HSPA13: variants seen among roughly 807,000 people sequenced by gnomAD.
HSPA13 encodes heat shock 70 kDa protein 13.
In HSPA13, 29 loss-of-function variants were observed where a neutral mutation model predicts 38.8. The ratio of observed to expected loss-of-function variants is 0.75; its 90% CI spans 0.56 to 1.02. The LOEUF is 1.02. HSPA13 is among the 50% of genes least tolerant of loss of function. HSPA13 has a pLI of 0.00. For synonymous variants in HSPA13, 192 were observed against 205.3 expected (o/e 0.94, Z 0.56); for missense variants, 451 against 560.9 (o/e 0.80, Z 1.98).
intron 3 of HSPA13, 110 bp from the exon 4 acceptor site, chr21:14,375,929 A>C: frequency 5.1e-6 from 4 of 782,932 alleles, no homozygotes; most frequent in Non-Finnish European, 8.4e-6. Context: ...ACCACTGAGT[A>C]ATAATGAGAG....
chr21:14,381,514 C>G lies in HSPA13; in HGVS notation c.55G>C (p.Gly19Arg), dbSNP rs766518458. 1.3e-6 allele frequency: 2 copies of G among 1,597,150 alleles called. No individual in the cohort carries two copies. ...GGTAAATACTGTTGTGCCAAATAGC[C>G]GGCCAACAGGAGAGTCAAAACAGCC... is the stretch of plus-strand genomic sequence containing the variant. ...GSAVLTLLLA[G>R]YLAQQYLPLP... is the part of the protein sequence containing the mutation. Residue 19 changes from glycine (G) to arginine (R), a missense_variant, in exon 2 of 5, where the codon GGC (glycine) becomes CGC (arginine). Transcript: ENST00000285667.
In HSPA13 at chr21:14,379,555, A is replaced by C. The variant is rs540167700; in HGVS notation, c.367-1143T>G. 2.6e-5 allele frequency among the ~76,000 whole-genome samples: 4 copies of C among 152,304 alleles called. No individual in the cohort carries two copies. The East Asian group carries it at 7.7e-4, about 29-fold the overall frequency. ...ACAACAAAAAAATCAGATCACTTAG[A>C]AACATTAAGTAGTTTTTGGGTCAAT... On this transcript the variant is annotated intron_variant, in intron 2 of 4. Transcript: ENST00000285667.
intron 1 of HSPA13, 35 bp from the exon 2 acceptor site, chr21:14,381,578 C>T: frequency 6.7e-7 from 1 of 1,487,414 alleles, no homozygotes; most frequent in Non-Finnish European, 9.1e-7. Flanking sequence ...TGTATTTTAT[C>T]AAACTAGTAC....
At position 14,378,188 on chromosome 21, in the gene HSPA13, G is replaced by C; in HGVS notation, c.580+11C>G. On this transcript the variant is annotated intron_variant, in intron 3 of 4. Transcript: ENST00000285667. ...TTGAGAAAAATGCATCTCAGTCAAG[G>C]GTACTGTTACCTGCAAGGTTAGCAG... The C allele has an allele frequency of 1.9e-6, 3 of 1,602,874 alleles. No individual in the cohort carries two copies. Among genetic ancestry groups the C allele is most frequent in the Non-Finnish European group, 2.6e-6 (3 of 1,169,958 alleles).
chr21:14,383,005 C>G lies in HSPA13; in HGVS notation c.25+90G>C, dbSNP rs1568724404. 2.8e-6 allele frequency: 4 copies of G among 1,419,322 alleles called. No individual in the cohort carries two copies. In the South Asian group the frequency reaches 4.6e-5, roughly 16 times the overall value. 87.9% of individuals were successfully genotyped at this position (1,419,322 alleles called of 1,614,324 possible). A position where few individuals can be genotyped will look rare whatever the true frequency, so the allele number is the denominator to read the frequency against. On this transcript the variant is annotated intron_variant, in intron 1 of 4. Transcript: ENST00000285667. Reference sequence around the variant, plus strand: ...TCCCCTTCCGCTGCTCCAGCTAGATCCAGGAGGTGAGTCAACCACCCCTGC... The same window carrying G: ...TCCCCTTCCGCTGCTCCAGCTAGATGCAGGAGGTGAGTCAACCACCCCTGC...
intron 2 of HSPA13, among the ~76,000 whole-genome samples, chr21:14,379,528 C>T (rs1478623346): frequency 6.6e-6 from 1 of 151,958 alleles, no homozygotes; most frequent in African/African-American, 2.4e-5. Flanking sequence ...GAAACAAAAA[C>T]AACAACAAAA....
chr21:14,382,396 T>A (rs1984192794), intron 1 of HSPA13, among the ~76,000 whole-genome samples: 1 of 152,162 alleles, frequency 6.6e-6, no homozygotes, highest in African/African-American at 2.4e-5. Context: ...CCCCTTTAGT[T>A]TTTAATGAAT....
intron 1 of HSPA13, among the ~76,000 whole-genome samples, chr21:14,381,810 A>G (rs1453676458): frequency 6.6e-6 from 1 of 152,336 alleles, no homozygotes; most frequent in East Asian, 1.9e-4. Context: ...AATAAATGTA[A>G]TAAAATGTAA....
chr21:14,381,501 T>C lies in HSPA13; in HGVS notation c.68A>G (p.Gln23Arg). Residue 23 changes from glutamine to arginine, a missense_variant, in exon 2 of 5, where the codon CAA becomes CGA. Physicochemically the swap from Gln to Arg is conservative, Grantham distance 43. Coordinates refer to ENST00000285667, the MANE Select transcript of HSPA13 (RefSeq NM_006948.5). ...AGGAGTAGGCAATGGTAAATACTGT[T>C]GTGCCAAATAGCCGGCCAACAGGAG... ...LTLLLAGYLA[Q>R]QYLPLPTPKV... The C allele has an allele frequency of 6.2e-7, 1 of 1,605,842 alleles. No individual in the cohort carries two copies. The highest frequency in any genetic ancestry group is 1.1e-5 in the South Asian group (1 of 90,716).
At chr21:14,377,058 G>A (rs1008789552) in intron 3 of HSPA13, among the ~76,000 whole-genome samples, 1 of 152,180 alleles carries the variant, frequency 6.6e-6, no homozygotes, top group East Asian at 1.9e-4. Context: ...GGAGGAGGGC[G>A]CTGCTAGCAT....
chr21:14,372,418 A>AAAAACAAACAACT lies in HSPA13; in HGVS notation c.*1186_*1198dup, dbSNP rs1355664974. 1.1e-4 allele frequency: 17 copies of AAAAACAAACAACT among 152,130 alleles called. No homozygotes were observed. Among genetic ancestry groups the AAAAACAAACAACT allele is most frequent in the Admixed American group, 6.5e-5 (1 of 15,278 alleles). 9.4% of individuals were successfully genotyped at this position (152,130 alleles called of 1,614,324 possible). A position where few individuals can be genotyped will look rare whatever the true frequency, so the allele number is the denominator to read the frequency against. On this transcript the variant is annotated 3_prime_UTR_variant, in exon 5 of 5. Coordinates refer to ENST00000285667, the MANE Select transcript of HSPA13 (RefSeq NM_006948.5). Reference sequence around the variant, plus strand: ...GTTTTTCTTAAAGGAAACAAACAACAAAAACAAACAACTCTGCTCCAAATG... The same window carrying AAAAACAAACAACT: ...GTTTTTCTTAAAGGAAACAAACAACAAAAACAAACAACTAAAACAAACAACTCTGCTCCAAATG...
intron 3 of HSPA13, among the ~76,000 whole-genome samples, chr21:14,376,880 A>T (rs1258904771): frequency 6.6e-6 from 1 of 152,186 alleles, no homozygotes; most frequent in Admixed American, 6.5e-5. Flanking sequence ...TCTACAAGTC[A>T]TCCATCCCCT....
chr21:14,375,587 C>T lies in HSPA13; in HGVS notation c.748+65G>A, dbSNP rs8133438. ...CATCTCGTGATCCACCCGCCTCGGC[C>T]TCCCAAAGTGCTGGGATTACAGGCG... On this transcript the variant is annotated intron_variant, in intron 4 of 4. Transcript: ENST00000285667. 2,142 of 1,430,960 alleles carry T rather than the reference C, an allele frequency of 1.5e-3. 24 individuals carry two copies. The African/African-American group carries it at 0.026, about 17-fold the overall frequency. 88.6% of individuals were successfully genotyped at this position (1,430,960 alleles called of 1,614,324 possible). A position where few individuals can be genotyped will look rare whatever the true frequency, so the allele number is the denominator to read the frequency against.
chr21:14,373,817 C>G lies in HSPA13; in HGVS notation c.1216G>C (p.Gly406Arg). Residue 406 changes from glycine (G) to arginine (R), a missense_variant, in exon 5 of 5, where the codon GGG (glycine) becomes CGG (arginine). By Grantham distance (125) the Gly-to-Arg change is moderately radical. Transcript: ENST00000285667. Reference protein sequence around the residue: ...KTEIDEVVLVGGSTRIPRIRQ... With the variant: ...KTEIDEVVLVRGSTRIPRIRQ... ...ATCCGAGGAATACGAGTGGAGCCCC[C>G]AACTAAAACCACCTCATCAATCTCA... is the stretch of plus-strand genomic sequence containing the variant. The G allele has an allele frequency of 6.2e-7, 1 of 1,614,172 alleles. No individual in the cohort carries two copies. Among genetic ancestry groups the G allele is most frequent in the Non-Finnish European group, 8.5e-7 (1 of 1,180,034 alleles).
At chr21:14,377,131 A>C (rs1337098460) in intron 3 of HSPA13, among the ~76,000 whole-genome samples, 1 of 151,816 alleles carries the variant, frequency 6.6e-6, no homozygotes, top group East Asian at 1.9e-4. Context: ...GTCCTCCACA[A>C]TAAAGAATTA....
Position 14,373,582 on chromosome 21 carries a change from G to C in HSPA13, c.*35C>G. 6.6e-7 allele frequency: 1 copy of C among 1,516,286 alleles called. No homozygotes were observed. The highest frequency in any genetic ancestry group is 9.0e-7 in the Non-Finnish European group (1 of 1,112,324). 93.9% of individuals were successfully genotyped at this position (1,516,286 alleles called of 1,614,324 possible). A position where few individuals can be genotyped will look rare whatever the true frequency, so the allele number is the denominator to read the frequency against. ...TCTGATAAATGGGAAGAGATCATCA[G>C]ACAAGTTCACAAATAACCATTATTT... On this transcript the variant is annotated 3_prime_UTR_variant, in exon 5 of 5. Coordinates refer to ENST00000285667, the MANE Select transcript of HSPA13 (RefSeq NM_006948.5).
intron 2 of HSPA13, among the ~76,000 whole-genome samples, chr21:14,378,957 C>A (rs777619338): frequency 6.6e-6 from 1 of 151,970 alleles, no homozygotes; most frequent in Non-Finnish European, 1.5e-5. Context: ...AATTCATCAC[C>A]ACGCACATGA....
chr21:14,377,002 GAAATCTGGCAA>G (rs1452765725), intron 3 of HSPA13, among the ~76,000 whole-genome samples: 1 of 152,190 alleles, frequency 6.6e-6, no homozygotes, highest in Non-Finnish European at 1.5e-5. Flanking sequence ...ACCTCCAGAA[GAAATCTGGCAA>G]CATATGGAGA....
At chr21:14,381,057 G>A (rs1000206146) in intron 2 of HSPA13, 146 bp downstream of exon 2, 2 of 640,912 alleles carry the variant, frequency 3.1e-6, no homozygotes, top group Admixed American at 3.0e-5. Flanking sequence ...TATAGCTGCT[G>A]TGGAATTTCT....
Sources: allele counts gnomAD v4.1 joint callset (sites outside exome capture counted in the v4.1 genomes callset), GRCh38; gene constraint gnomAD v4.1.1; transcripts MANE v1.5; gene names NCBI Gene and HGNC (gene_info 2026-07-23, HGNC 2026-07-21).